Variants in DENND2B observed in about 807,000 individuals in gnomAD.
DENND2B encodes the protein DENN domain containing 2B, also known as DENN domain-containing protein 2B.
DENND2B carries 32 observed loss-of-function variants against 116.0 expected under a neutral mutation model. The ratio of observed to expected loss-of-function variants is 0.28; its 90% CI spans 0.21 to 0.37. The LOEUF is 0.37. Ranked by LOEUF, DENND2B falls within the 10% of genes least tolerant of loss-of-function variation. The probability of loss-of-function intolerance (pLI) is 1.00; values close to 1 mark genes in which losing one functional copy is unlikely to be tolerated. For missense variants in DENND2B, 1,276 were observed against 1,477.7 expected (o/e 0.86, Z 2.24); for synonymous variants, 588 against 583.9 (o/e 1.01, Z -0.10).
chr11:8,716,695 A>G (rs561308669), intron 5 of DENND2B, among the ~76,000 whole-genome samples: 1 of 150,676 alleles, frequency 6.6e-6, no homozygotes, highest in African/African-American at 2.4e-5. Context: ...TCGCCCAGGT[A>G]GGAGTGCAGT....
chr11:8,729,787 A>G (rs1826874986), intron 3 of DENND2B, among the ~76,000 whole-genome samples, 163 bp downstream of exon 3: 1 of 152,168 alleles, frequency 6.6e-6, no homozygotes, highest in Non-Finnish European at 1.5e-5. Flanking sequence ...GAGCAGAACA[A>G]TCTCATTTTT....
intron 1 of DENND2B, among the ~76,000 whole-genome samples, chr11:8,899,755 G>C (rs774746174): frequency 6.6e-6 from 1 of 152,174 alleles, no homozygotes; most frequent in Non-Finnish European, 1.5e-5. Flanking sequence ...AATCTACAGA[G>C]AGGAATGTAG....
At chr11:8,751,781 C>A (rs970571298) in intron 1 of DENND2B, among the ~76,000 whole-genome samples, 5 of 152,194 alleles carry the variant, frequency 3.3e-5, no homozygotes, top group African/African-American at 1.2e-4. Context: ...CATCTCTCCT[C>A]ATTCCTTAAG....
rs1565764487 is a variant in DENND2B, at chr11:8,730,998, T to C, written c.292A>G (p.Ser98Gly). The change falls in exon 3 of 20, where the codon AGC becomes GGC. Residue 98 changes from serine to glycine, a missense_variant. Ser to Gly is a moderately conservative substitution (Grantham distance 56). Around this residue, in one of 2 missense-constraint regions of DENND2B, gnomAD observed 856 missense variants for 846.6 expected, o/e 1.01. Transcript: ENST00000313726. This position sits in a 1 kb window ranked among gnomAD's most constrained non-coding sequence, Gnocchi z 4.1. ...GGGCTTCTGTCCAAATAACCGAAGCTGGCGGTCTTGAAGGGACAGGTGGGT... is the reference window on the plus strand; with the variant it reads ...GGGCTTCTGTCCAAATAACCGAAGCCGGCGGTCTTGAAGGGACAGGTGGGT... ...SPPTCPFKTA[S>G]FGYLDRSPSA... 6.2e-7 allele frequency: 1 copy of C among 1,614,056 alleles called. No individual in the cohort carries two copies. Among genetic ancestry groups the C allele is most frequent in the Non-Finnish European group, 8.5e-7 (1 of 1,180,012 alleles).
At chr11:8,858,954 C>T (rs1012363382) in intron 2 of DENND2B, among the ~76,000 whole-genome samples, 2 of 152,202 alleles carry the variant, frequency 1.3e-5, no homozygotes, top group Non-Finnish European at 2.9e-5. Flanking sequence ...AGTAAACATT[C>T]CATAAATGCT....
intron 4 of DENND2B, among the ~76,000 whole-genome samples, chr11:8,826,623 A>G (rs1566022821): frequency 6.6e-6 from 1 of 152,198 alleles, no homozygotes; most frequent in Non-Finnish European, 1.5e-5. Flanking sequence ...AGGAACATGG[A>G]AGGCGGCCCT....
chr11:8,699,871 G>C, intron 14 of DENND2B: 1 of 456,444 alleles, frequency 2.2e-6, no homozygotes, highest in Non-Finnish European at 4.4e-6. Flanking sequence ...CCCCTCTCCA[G>C]CCAGAGGCAG....
intron 13 of DENND2B, among the ~76,000 whole-genome samples, chr11:8,705,485 G>C (rs567942520): frequency 2.0e-4 from 30 of 152,134 alleles, no homozygotes; most frequent in Non-Finnish European, 4.0e-4. Flanking sequence ...CTCTCCTGCA[G>C]GGCCTCTGCA....
intron 1 of DENND2B, among the ~76,000 whole-genome samples, chr11:8,895,256 G>C (rs1248902441): frequency 2.6e-5 from 4 of 152,112 alleles, no homozygotes; most frequent in African/African-American, 9.7e-5. Context: ...TTGTGGGGTA[G>C]GGGGGTGGGA....
At chr11:8,763,582 T>C (rs2055069881) in intron 1 of DENND2B, among the ~76,000 whole-genome samples, 1 of 150,978 alleles carries the variant, frequency 6.6e-6, no homozygotes, top group Non-Finnish European at 1.5e-5. Context: ...ACACACAACA[T>C]GGATAAATCT....
chr11:8,873,878 C>G (rs891592776), upstream of DENND2B, among the ~76,000 whole-genome samples: 2 of 152,012 alleles, frequency 1.3e-5, no homozygotes, highest in South Asian at 2.1e-4. Flanking sequence ...AGGATACTAG[C>G]AACAAAAAAG....
chr11:8,701,344 C>CAGGGGCGG (rs1491336392), intron 14 of DENND2B, among the ~76,000 whole-genome samples: 1 of 11,238 alleles, frequency 8.9e-5, no homozygotes, highest in East Asian at 3.6e-3. Flanking sequence ...GGCCAGCTTC[C>CAGGGGCGG]GGGGGGGGGG....
chr11:8,744,289 A>G (rs937223704), intron 2 of DENND2B, among the ~76,000 whole-genome samples: 2 of 151,918 alleles, frequency 1.3e-5, no homozygotes, highest in African/African-American at 4.8e-5. Flanking sequence ...GTGCACCACC[A>G]TGCCCGGCTA....
At position 8,707,760 on chromosome 11, in the gene DENND2B, C is replaced by A. The variant is rs377473647; in HGVS notation, c.2430+17G>T. The stretch of plus-strand genomic sequence containing the variant: ...TCAGCTGGGGGACGGGGAGGGAAGC[C>A]TGCCAGAGCCTCTTACCTTGGAAAA... On this transcript the variant is annotated intron_variant, in intron 12 of 19. Transcript: ENST00000313726. The surrounding 1 kb of genome is among the most constrained non-coding windows in gnomAD (Gnocchi z 4.8). 5 of 1,597,020 alleles carry A rather than the reference C, an allele frequency of 3.1e-6. No individual in the cohort carries two copies. The African/African-American group carries it at 6.7e-5, about 21-fold the overall frequency.
chr11:8,900,591 C>A (rs1566092091), intron 1 of DENND2B, among the ~76,000 whole-genome samples: 1 of 150,908 alleles, frequency 6.6e-6, no homozygotes, highest in Non-Finnish European at 1.5e-5. Flanking sequence ...AGAGCAAGAC[C>A]CTGTCTCAAA....
intron 2 of DENND2B, among the ~76,000 whole-genome samples, chr11:8,736,305 C>T (rs1242050649): frequency 6.6e-6 from 1 of 151,942 alleles, no homozygotes; most frequent in Non-Finnish European, 1.5e-5. Flanking sequence ...AAGCCACAAT[C>T]ATACCACTGC....
chr11:8,841,176 G>C (rs924335855), intron 3 of DENND2B, among the ~76,000 whole-genome samples: 33 of 151,958 alleles, frequency 2.2e-4, no homozygotes, highest in African/African-American at 8.0e-4. Flanking sequence ...CCATTTTCTT[G>C]ACTTGTTTTT....
chr11:8,763,322 G>A (rs4929910), intron 1 of DENND2B, among the ~76,000 whole-genome samples: 89,544 of 151,864 alleles, frequency 0.59, 27,222 homozygotes, highest in Non-Finnish European at 0.66. Context: ...TTGGAATAAC[G>A]TTGGGTATTA....
At chr11:8,699,421 G>T in intron 14 of DENND2B, 31 bp from the exon 15 acceptor site, 1 of 1,564,826 alleles carries the variant, frequency 6.4e-7, no homozygotes, top group East Asian at 2.3e-5. Context: ...CAGAGTACCT[G>T]AGCCCAGGCC....
Sources: allele counts gnomAD v4.1 joint callset (sites outside exome capture counted in the v4.1 genomes callset), GRCh38; gene constraint gnomAD v4.1.1; regional missense constraint gnomAD v4.1.1; non-coding constraint Gnocchi (gnomAD v3.1); transcripts MANE v1.5; gene names NCBI Gene and HGNC (gene_info 2026-07-23, HGNC 2026-07-21).